Variants in ANXA8 observed in about 807,000 individuals in gnomAD.
ANXA8 encodes annexin A8, also known as VAC-beta.
ANXA8 carries 9 observed loss-of-function variants against 26.8 expected under a neutral mutation model. That is an observed-to-expected ratio of 0.34 (90% confidence interval 0.20 to 0.59). The LOEUF (loss-of-function observed/expected upper bound fraction) is 0.59. Ranked by LOEUF, ANXA8 falls within the 20% of genes least tolerant of loss-of-function variation. ANXA8 has a pLI of 0.84. For missense variants in ANXA8, 83 were observed against 238.5 expected (o/e 0.35, Z 4.29); for synonymous variants, 39 against 94.8 (o/e 0.41, Z 3.42).
chr10:47,664,224 A>G, the ANXA8 span, among the ~76,000 whole-genome samples: 1 of 151,888 alleles, frequency 6.6e-6, no homozygotes, highest in Non-Finnish European at 1.5e-5. Context: ...AAAAATACAA[A>G]AAAATGAGCC....
the ANXA8 span, among the ~76,000 whole-genome samples, chr10:47,894,933 C>T: frequency 6.6e-6 from 1 of 151,958 alleles, no homozygotes; most frequent in Non-Finnish European, 1.5e-5. Flanking sequence ...ACACACACCA[C>T]ATAACACAGC....
At chr10:47,979,606 A>G in the ANXA8 span, among the ~76,000 whole-genome samples, 1 of 151,272 alleles carries the variant, frequency 6.6e-6, no homozygotes, top group Non-Finnish European at 1.5e-5. Flanking sequence ...TAACCATGGT[A>G]GGGAGATGAA....
chr10:47,762,221 T>C, the ANXA8 span, among the ~76,000 whole-genome samples: 1 of 151,790 alleles, frequency 6.6e-6, no homozygotes, highest in East Asian at 1.9e-4. Flanking sequence ...GTGGACGAGG[T>C]GGGGAGGAAG....
the ANXA8 span, among the ~76,000 whole-genome samples, chr10:47,954,699 T>TAAA: frequency 6.4e-5 from 9 of 140,382 alleles, no homozygotes; most frequent in South Asian, 4.5e-4. Context: ...CCCATAAAAA[T>TAAA]AAAAAAAAAA....
At chr10:47,566,452 GC>G in the ANXA8 span, among the ~76,000 whole-genome samples, 1 of 147,730 alleles carries the variant, frequency 6.8e-6, no homozygotes, top group Non-Finnish European at 1.5e-5. Flanking sequence ...CCCACCCACC[GC>G]CCCTGCTCTC....
At chr10:47,511,222 C>T in the ANXA8 span, among the ~76,000 whole-genome samples, 3 of 140,882 alleles carry the variant, frequency 2.1e-5, 1 homozygote, top group Admixed American at 7.2e-5. Flanking sequence ...GGATTACAGG[C>T]GTGAGCCACG....
At chr10:47,584,328 C>T in the ANXA8 span, among the ~76,000 whole-genome samples, 1 of 146,876 alleles carries the variant, frequency 6.8e-6, no homozygotes, top group South Asian at 2.1e-4. Flanking sequence ...CTCCACTCAG[C>T]GACTCTTCTT....
the ANXA8 span, among the ~76,000 whole-genome samples, chr10:47,675,281 G>C: frequency 1.4e-5 from 2 of 147,580 alleles, no homozygotes; most frequent in African/African-American, 5.1e-5. Context: ...TCACTACATG[G>C]ATGATTCTAA....
At chr10:47,520,923 G>T in the ANXA8 span, among the ~76,000 whole-genome samples, 39 of 119,630 alleles carry the variant, frequency 3.3e-4, no homozygotes, top group Non-Finnish European at 1.5e-4. Context: ...AATAAATCAA[G>T]ATGGCAGTAA....
the ANXA8 span, among the ~76,000 whole-genome samples, chr10:47,528,319 T>A: frequency 7.2e-6 from 1 of 139,314 alleles, no homozygotes; most frequent in Admixed American, 7.3e-5. Flanking sequence ...GACTTCGTGA[T>A]CCGCCTGTCT....
the ANXA8 span, among the ~76,000 whole-genome samples, chr10:47,745,658 G>A: frequency 7.5e-5 from 10 of 132,820 alleles, no homozygotes; most frequent in South Asian, 2.5e-4. Flanking sequence ...GCAGTAGGGG[G>A]GTTCCTCCTT....
the ANXA8 span, among the ~76,000 whole-genome samples, chr10:47,592,966 C>T: frequency 4.4e-5 from 6 of 136,018 alleles, no homozygotes; most frequent in South Asian, 7.0e-4. Context: ...TTGGGCTTGC[C>T]GCCAGGGCGA....
chr10:47,937,462 T>C, the ANXA8 span, among the ~76,000 whole-genome samples: 1 of 149,384 alleles, frequency 6.7e-6, no homozygotes, highest in Non-Finnish European at 1.5e-5. Context: ...TTTTTATTTA[T>C]TTTTTAAAAT....
chr10:47,777,021 A>G, the ANXA8 span, among the ~76,000 whole-genome samples: 1 of 152,096 alleles, frequency 6.6e-6, no homozygotes, highest in Non-Finnish European at 1.5e-5. Flanking sequence ...CCCTACTTCA[A>G]TGCTGCTGGT....
At chr10:47,703,749 G>A in the ANXA8 span, among the ~76,000 whole-genome samples, 60 of 149,134 alleles carry the variant, frequency 4.0e-4, 3 homozygotes, top group African/African-American at 1.5e-3. Context: ...CTTACTAGAG[G>A]GAAAATAATA....
chr10:47,661,099 C>T, the ANXA8 span, among the ~76,000 whole-genome samples: 2 of 135,584 alleles, frequency 1.5e-5, no homozygotes, highest in Admixed American at 1.5e-4. Context: ...CTTTTAGCAG[C>T]CTGAAGCCAT....
the ANXA8 span, among the ~76,000 whole-genome samples, chr10:47,506,672 C>T: frequency 7.0e-6 from 1 of 143,124 alleles, no homozygotes; most frequent in Non-Finnish European, 1.5e-5. Context: ...CAGAGTCTTG[C>T]TCTGTCACCC....
chr10:47,929,021 A>G, the ANXA8 span, among the ~76,000 whole-genome samples: 1 of 136,848 alleles, frequency 7.3e-6, no homozygotes, highest in African/African-American at 2.8e-5. Context: ...TTTTGTAGAG[A>G]TGAGGTCTCT....
At chr10:47,685,603 G>A in the ANXA8 span, among the ~76,000 whole-genome samples, 1 of 151,774 alleles carries the variant, frequency 6.6e-6, no homozygotes, top group African/African-American at 2.4e-5. Flanking sequence ...GAGAGAGATT[G>A]GCTCGGTATA....
Sources: allele counts gnomAD v4.1 joint callset (sites outside exome capture counted in the v4.1 genomes callset), GRCh38; gene constraint gnomAD v4.1.1; transcripts MANE v1.5; gene names NCBI Gene and HGNC (gene_info 2026-07-23, HGNC 2026-07-21).